The following ABLIM3 variants were observed in gnomAD, a reference collection of about 807,000 sequenced individuals.
The protein encoded by ABLIM3 is actin binding LIM protein family member 3, also known as actin-binding LIM protein 3.
Under a neutral mutation model 109.5 loss-of-function variants are expected in ABLIM3, and 61 were observed. That is an observed-to-expected ratio of 0.56 (90% confidence interval 0.45 to 0.69). The LOEUF (loss-of-function observed/expected upper bound fraction) is 0.69, where lower values mean the gene tolerates loss of function less well. ABLIM3 is among the 30% of genes least tolerant of loss of function. The probability of loss-of-function intolerance (pLI) is 0.00; values close to 1 mark genes in which losing one functional copy is unlikely to be tolerated. For synonymous variants in ABLIM3, 300 were observed against 324.8 expected, an observed-to-expected ratio of 0.92 and a Z score of 0.82; for missense variants, 796 against 889.5, an observed-to-expected ratio of 0.89 and a Z score of 1.34.
At chr5:149,240,040 G>C (rs1398217144) in intron 13 of ABLIM3, 152 bp downstream of exon 13, 1 of 1,141,396 alleles carries the variant, frequency 8.8e-7, no homozygotes, top group Middle Eastern at 3.0e-4. Flanking sequence ...TGACCAGCTG[G>C]GCCTCTCTGA....
intron 15 of ABLIM3, chr5:149,244,463 G>A (rs1218983397): frequency 1.2e-5 from 2 of 173,294 alleles, no homozygotes; most frequent in African/African-American, 4.7e-5. Flanking sequence ...TTTATAACAA[G>A]GAAGGCTTCT....
chr5:149,241,699 C>T (rs1752862518), intron 14 of ABLIM3, among the ~76,000 whole-genome samples: 1 of 152,138 alleles, frequency 6.6e-6, no homozygotes, highest in African/African-American at 2.4e-5. Context: ...GCGGAGGTTG[C>T]AGTGAGCCAA....
rs1434665253 is a variant in ABLIM3, at chr5:149,246,471, T to C, written c.1487-11T>C. 1.2e-6 allele frequency: 2 copies of C among 1,613,910 alleles called. No homozygotes were observed. The highest frequency in any genetic ancestry group is 1.7e-5 in the Admixed American group (1 of 59,982). On this transcript the variant is annotated splice_polypyrimidine_tract_variant and intron_variant, in intron 16 of 23. Coordinates refer to ENST00000309868, the MANE Select transcript of ABLIM3 (RefSeq NM_014945.5). ...CACATGCCGGAGCTGATCTTTTCTG[T>C]CTTTTGACAGTGCCCCGAGCCAGAA...
At chr5:149,251,315 G>T (rs773809372) in intron 20 of ABLIM3, 44 bp from the exon 21 acceptor site, 1 of 1,612,246 alleles carries the variant, frequency 6.2e-7, no homozygotes. Flanking sequence ...GGGAGGCAGA[G>T]GTGAGCTTAT....
chr5:149,168,403 A>G (rs560162638), intron 2 of ABLIM3, among the ~76,000 whole-genome samples: 1 of 152,330 alleles, frequency 6.6e-6, no homozygotes, highest in East Asian at 1.9e-4. Flanking sequence ...ACACCATCAC[A>G]TGCTGGCTCT....
intron 9 of ABLIM3, among the ~76,000 whole-genome samples, 189 bp downstream of exon 9, chr5:149,230,896 G>C (rs1581190957): frequency 6.6e-6 from 1 of 152,140 alleles, no homozygotes; most frequent in Admixed American, 6.5e-5. Context: ...TTAAGACATC[G>C]GATATGAAAG....
At chr5:149,255,108 T>C (rs946025316) in intron 23 of ABLIM3, among the ~76,000 whole-genome samples, 1 of 152,228 alleles carries the variant, frequency 6.6e-6, no homozygotes, top group Non-Finnish European at 1.5e-5. Context: ...AAAATAAAGG[T>C]TCAGCAAGGC....
chr5:149,197,128 A>T (rs1417154722), intron 3 of ABLIM3, among the ~76,000 whole-genome samples: 1 of 152,214 alleles, frequency 6.6e-6, no homozygotes, highest in Non-Finnish European at 1.5e-5. Flanking sequence ...AACTAGGGAA[A>T]AAAACGTCCA....
chr5:149,173,196 C>T (rs1755602113), intron 2 of ABLIM3, among the ~76,000 whole-genome samples: 2 of 152,216 alleles, frequency 1.3e-5, no homozygotes, highest in East Asian at 1.9e-4. Context: ...GGTTCTGTCA[C>T]ATGGCGTGAT....
intron 2 of ABLIM3, among the ~76,000 whole-genome samples, chr5:149,157,829 C>A (rs977437868): frequency 2.0e-5 from 3 of 152,124 alleles, no homozygotes; most frequent in Non-Finnish European, 4.4e-5. Context: ...GAAGGCAGAG[C>A]CACCTCAGAC....
chr5:149,230,195 C>T (rs1025109938), intron 8 of ABLIM3, among the ~76,000 whole-genome samples: 2 of 152,206 alleles, frequency 1.3e-5, no homozygotes, highest in African/African-American at 2.4e-5. Context: ...GTACGGATCT[C>T]TTCTAAGAGC....
chr5:149,158,571 A>T (rs999381346), intron 2 of ABLIM3, among the ~76,000 whole-genome samples: 1 of 152,198 alleles, frequency 6.6e-6, no homozygotes, highest in African/African-American at 2.4e-5. Context: ...AAAGTAAAAA[A>T]TAAAATAAAA....
intron 8 of ABLIM3, among the ~76,000 whole-genome samples, chr5:149,226,441 A>G (rs2127539998): frequency 6.6e-6 from 1 of 152,110 alleles, no homozygotes; most frequent in Non-Finnish European, 1.5e-5. Context: ...CCTAGATCAC[A>G]CCACTCCCCT....
At chr5:149,254,872 T>C (rs1754291402) in intron 23 of ABLIM3, among the ~76,000 whole-genome samples, 1 of 152,056 alleles carries the variant, frequency 6.6e-6, no homozygotes, top group Non-Finnish European at 1.5e-5. Flanking sequence ...TTAATCACAA[T>C]TTGGGGAAGG....
rs1753833242 is a variant in ABLIM3 at position 149,250,656 on chromosome 5, C to T, written c.1788+151C>T. ...AACTGTATGGCAATGACTTGCTCCC[C>T]TCCCTGGTGACCCCTTCGTGAAAAG... On this transcript the variant is annotated intron_variant, in intron 20 of 23. Coordinates refer to ENST00000309868, the MANE Select transcript of ABLIM3 (RefSeq NM_014945.5). 7.5e-6 allele frequency: 7 copies of T among 931,658 alleles called. No individual in the cohort carries two copies. In the Admixed American group the frequency reaches 1.6e-4, roughly 21 times the overall value. The allele number at this position is 931,658 out of a possible 1,614,324, so 57.7% of individuals were successfully genotyped here.
At chr5:149,235,058 G>T (rs958440379) in intron 10 of ABLIM3, among the ~76,000 whole-genome samples, 2 of 152,140 alleles carry the variant, frequency 1.3e-5, no homozygotes, top group South Asian at 2.1e-4. Flanking sequence ...CTTCCAACTA[G>T]GGGCTTACAC....
intron 3 of ABLIM3, among the ~76,000 whole-genome samples, chr5:149,189,109 A>G (rs979686077): frequency 1.3e-5 from 2 of 152,250 alleles, no homozygotes; most frequent in Non-Finnish European, 2.9e-5. Context: ...CAAGAGGGGA[A>G]GAATGGTCTT....
At chr5:149,202,718 C>T (rs1157412216) in intron 5 of ABLIM3, among the ~76,000 whole-genome samples, 1 of 151,982 alleles carries the variant, frequency 6.6e-6, no homozygotes, top group Non-Finnish European at 1.5e-5. Flanking sequence ...CCAAAGAGAC[C>T]AAGAAAAATA....
Position 149,250,475 on chromosome 5 carries a change from G to A in ABLIM3, c.1758G>A (p.Leu586=). ...CTCTCATCTCCAAATCTGCCTCCCT[G>A]CCTGCCTACCGAAGAAATGGGCTGC... is the stretch of plus-strand genomic sequence containing the variant. ...SDPLISKSAS[L]PAYRRNGLHR... is the part of the protein sequence containing the mutation. The change falls in exon 20 of 24, where the codon CTG becomes CTA. Residue 586 remains leucine (L), a synonymous_variant. Transcript: ENST00000309868. The A allele has an allele frequency of 1.2e-6, 2 of 1,614,172 alleles. No individual in the cohort carries two copies. The highest frequency in any genetic ancestry group is 1.7e-6 in the Non-Finnish European group (2 of 1,180,026).
Sources: gnomAD v4.1 joint callset for allele counts (sites outside exome capture counted in the v4.1 genomes callset) on GRCh38, gnomAD v4.1.1 for gene constraint, MANE v1.5 for transcripts, NCBI Gene and HGNC (gene_info 2026-07-23, HGNC 2026-07-21) for gene names.